Variants in CAVIN1 observed in about 807,000 individuals in gnomAD.
The protein encoded by CAVIN1 is caveolae-associated protein 1.
A neutral mutation model predicts 24.0 loss-of-function variants in CAVIN1; 16 were observed. That is an observed-to-expected ratio of 0.67 (90% CI 0.45 to 1.01). CAVIN1 has a LOEUF of 1.01. CAVIN1 is among the 50% of genes least tolerant of loss of function. CAVIN1 has a pLI of 0.00. For synonymous variants in CAVIN1, 256 were observed against 256.4 expected (o/e 1.00, Z 0.02); for missense variants, 510 against 551.7 (o/e 0.92, Z 0.76).
At chr17:42,414,582 C>T (rs1350247938) in intron 1 of CAVIN1, among the ~76,000 whole-genome samples, 1 of 152,092 alleles carries the variant, frequency 6.6e-6, no homozygotes, top group Non-Finnish European at 1.5e-5. Flanking sequence ...GTCCTGGGAC[C>T]TCTGGACCTC....
Position 42,422,985 on chromosome 17 carries a change from GC to G in CAVIN1, c.112del (p.Ala38ProfsTer6). The G allele has an allele frequency of 3.1e-6, 5 of 1,613,542 alleles. No individual in the cohort carries two copies. The highest frequency in any genetic ancestry group is 4.2e-6 in the Non-Finnish European group (5 of 1,179,920). Reference sequence around the variant, plus strand: ...CGACTTGATCAGCTCTTCTGAGCCGGCCCCCGACGGCTCCTCCGCTGCCTGA... The same window carrying G: ...CGACTTGATCAGCTCTTCTGAGCCGGCCCCGACGGCTCCTCCGCTGCCTGA... Reference protein sequence around the residue: ...GAQAAEEPSGAGSEELIKSDQ... With the variant: ...GAQAAEEPSGXGSEELIKSDQ... On this transcript the variant is annotated frameshift_variant, in exon 1 of 2. Transcript: ENST00000357037. LOFTEE classifies it high-confidence loss of function.
rs752788979 is a variant in CAVIN1 at position 42,405,252 on chromosome 17, G to A, written c.608C>T (p.Ser203Leu). The A allele has an allele frequency of 1.2e-6, 2 of 1,613,412 alleles. No individual in the cohort carries two copies. The highest frequency in any genetic ancestry group is 2.2e-5 in the South Asian group (2 of 91,076). Residue 203 changes from serine to leucine, a missense_variant, in exon 2 of 2, where the codon TCG becomes TTG. Ser to Leu is a moderately radical substitution (Grantham distance 145). Coordinates refer to ENST00000357037, the MANE Select transcript of CAVIN1 (RefSeq NM_012232.6). ...EEDAAALELS[S>L]DEAVEVEEVI... is the part of the protein sequence containing the mutation. The stretch of plus-strand genomic sequence containing the variant: ...CTCCTCAACCTCCACCGCCTCGTCC[G>A]ACGAAAGCTCCAGCGCCGCTGCGTC...
In CAVIN1 at chr17:42,405,254, C is replaced by A. The variant is rs1311933935; in HGVS notation, c.606G>T (p.Ser202=). 1 of 1,613,646 alleles carries A rather than the reference C, an allele frequency of 6.2e-7. No homozygotes were observed. Residue 202 remains serine (S), a synonymous_variant, in exon 2 of 2, where the codon TCG becomes TCT. Coordinates refer to ENST00000357037, the MANE Select transcript of CAVIN1 (RefSeq NM_012232.6). The part of the protein sequence containing the change: ...PEEDAAALEL[S]SDEAVEVEEV... ...CCTCAACCTCCACCGCCTCGTCCGA[C>A]GAAAGCTCCAGCGCCGCTGCGTCCT...
chr17:42,411,335 T>C (rs1043336364), intron 1 of CAVIN1: 19 of 606,792 alleles, frequency 3.1e-5, no homozygotes, highest in Non-Finnish European at 3.1e-5. Flanking sequence ...GGAGGATCAC[T>C]TGAGCCCCAG....
At chr17:42,411,753 G>T in intron 1 of CAVIN1, 4 of 985,404 alleles carry the variant, frequency 4.1e-6, no homozygotes, top group Non-Finnish European at 4.8e-6. Flanking sequence ...GAAGCCATGC[G>T]CCTTCATGCT....
intron 1 of CAVIN1, among the ~76,000 whole-genome samples, chr17:42,413,528 T>C (rs889857511): frequency 3.1e-5 from 4 of 127,026 alleles, no homozygotes; most frequent in African/African-American, 6.1e-5. Context: ...CACTTCACTC[T>C]AGCCTGGGCG....
Position 42,405,083 on chromosome 17 carries a change from G to C in CAVIN1, c.777C>G (p.Thr259=). The C allele has an allele frequency of 1.2e-6, 2 of 1,614,106 alleles. No individual in the cohort carries two copies. The highest frequency in any genetic ancestry group is 1.7e-6 in the Non-Finnish European group (2 of 1,180,006). ...RENLEKTRLK[T]KENLEKTRHT... is the part of the protein sequence containing the mutation. The stretch of plus-strand genomic sequence containing the variant: ...GCCGCGTCTTCTCCAGGTTTTCCTT[G>C]GTCTTGAGGCGCGTCTTCTCCAGGT... The change falls in exon 2 of 2, where the codon ACC becomes ACG. Residue 259 remains threonine (T), a synonymous_variant. Transcript: ENST00000357037.
intron 1 of CAVIN1, among the ~76,000 whole-genome samples, chr17:42,413,552 C>G (rs1598575918): frequency 9.9e-6 from 1 of 100,902 alleles, no homozygotes; most frequent in East Asian, 3.6e-4. Flanking sequence ...GAGCAAAAGT[C>G]TGTCTCAAAA....
chr17:42,418,262 G>A (rs946602197), intron 1 of CAVIN1, among the ~76,000 whole-genome samples: 5 of 130,418 alleles, frequency 3.8e-5, no homozygotes, highest in South Asian at 4.7e-4. Context: ...ACCAAGTTTC[G>A]CTCTTGTTGC....
chr17:42,405,041 G>A lies in CAVIN1; in HGVS notation c.819C>T (p.Arg273=), dbSNP rs935162795. Residue 273 remains arginine (R), a synonymous_variant, in exon 2 of 2, where the codon CGC becomes CGT. Coordinates refer to ENST00000357037, the MANE Select transcript of CAVIN1 (RefSeq NM_012232.6). ...LEKTRHTLEK[R]MNKLGTRLVP... is the part of the protein sequence containing the mutation. ...CCAGGCGCGTGCCCAGCTTGTTCATGCGCTTCTCCAGGGTGTGCCGCGTCT... is the reference window on the plus strand; with the variant it reads ...CCAGGCGCGTGCCCAGCTTGTTCATACGCTTCTCCAGGGTGTGCCGCGTCT... 4 of 1,614,168 alleles carry A rather than the reference G, an allele frequency of 2.5e-6. No homozygotes were observed. The highest frequency in any genetic ancestry group is 2.5e-6 in the Non-Finnish European group (3 of 1,180,016).
At chr17:42,406,523 C>T (rs1337005665) in intron 1 of CAVIN1, among the ~76,000 whole-genome samples, 1 of 152,072 alleles carries the variant, frequency 6.6e-6, no homozygotes, top group South Asian at 2.1e-4. Flanking sequence ...TGCAGGCATG[C>T]GCCACCACAC....
At position 42,422,659 on chromosome 17, in the gene CAVIN1, G is replaced by T. The variant is rs2145490061; in HGVS notation, c.439C>A (p.Arg147=). 1 of 1,597,500 alleles carries T rather than the reference G, an allele frequency of 6.3e-7. No homozygotes were observed. Residue 147 remains arginine, a synonymous_variant, in exon 1 of 2, where the codon CGG becomes AGG. Transcript: ENST00000357037. The part of the protein sequence containing the change: ...KLEVNEAELL[R]RRNFKVMIYQ... ...ATCATGACTTTAAAGTTGCGGCGCCGCAGCAGCTCGGCCTCGTTGACCTCC... is the reference window on the plus strand; with the variant it reads ...ATCATGACTTTAAAGTTGCGGCGCCTCAGCAGCTCGGCCTCGTTGACCTCC...
intron 1 of CAVIN1, chr17:42,411,956 G>A (rs2085481417): frequency 6.1e-6 from 6 of 985,168 alleles, no homozygotes; most frequent in African/African-American, 1.7e-5. Flanking sequence ...GGGGATGGTG[G>A]CCCTCCTGGC....
In CAVIN1 at chr17:42,422,754, C is replaced by T; in HGVS notation, c.344G>A (p.Arg115His). 1 of 1,612,538 alleles carries T rather than the reference C, an allele frequency of 6.2e-7. No individual in the cohort carries two copies. Among genetic ancestry groups the T allele is most frequent in the Non-Finnish European group, 8.5e-7 (1 of 1,179,434 alleles). ...NTVSKLLEKVRKVSVNVKTVR... is the reference protein window; with the variant it reads ...NTVSKLLEKVHKVSVNVKTVR... Reference sequence around the variant, plus strand: ...GGTCTTCACGTTGACGCTGACCTTGCGCACCTTCTCCAGCAGCTTGCTCAC... The same window carrying T: ...GGTCTTCACGTTGACGCTGACCTTGTGCACCTTCTCCAGCAGCTTGCTCAC... Residue 115 changes from arginine to histidine, a missense_variant, in exon 1 of 2, where the codon CGC becomes CAC. Transcript: ENST00000357037.
chr17:42,422,786 G>A lies in CAVIN1; in HGVS notation c.312C>T (p.Ser104=). 6.2e-7 allele frequency: 1 copy of A among 1,613,682 alleles called. No homozygotes were observed. The highest frequency in any genetic ancestry group is 8.5e-7 in the Non-Finnish European group (1 of 1,179,862). ...TCTCCAGCAGCTTGCTCACCGTATT[G>A]CTCGTGGTGGCGTGCGCCTTGCCCA... The part of the protein sequence containing the change: ...SKLGKAHATT[S]NTVSKLLEKV... Residue 104 remains serine (S), a synonymous_variant, in exon 1 of 2, where the codon AGC becomes AGT. Transcript: ENST00000357037.
intron 1 of CAVIN1, among the ~76,000 whole-genome samples, chr17:42,417,906 T>C (rs531892733): frequency 4.3e-4 from 65 of 152,228 alleles, no homozygotes; most frequent in African/African-American, 1.5e-3. Flanking sequence ...GTGATCTACC[T>C]GCCTCGGCCT....
intron 1 of CAVIN1, among the ~76,000 whole-genome samples, chr17:42,414,309 C>T (rs2085499070): frequency 6.6e-6 from 1 of 152,134 alleles, no homozygotes; most frequent in Non-Finnish European, 1.5e-5. Flanking sequence ...CCTTTGGCCA[C>T]GTCCCCACCT....
Position 42,420,781 on chromosome 17 carries a change from C to T in CAVIN1, c.471+1846G>A, listed in dbSNP as rs568762160. Among the ~76,000 whole-genome samples the T allele has an allele frequency of 8.5e-5, 13 of 152,232 alleles. No homozygotes were observed. The East Asian group carries it at 2.5e-3, about 29-fold the overall frequency. On this transcript the variant is annotated intron_variant, in intron 1 of 1. Coordinates refer to ENST00000357037, the MANE Select transcript of CAVIN1 (RefSeq NM_012232.6). ...CCATCTTTGGCATAGGGAAGTTTACCTCCAGGCCAAGACTTTTCCCAGGTT... is the reference window on the plus strand; with the variant it reads ...CCATCTTTGGCATAGGGAAGTTTACTTCCAGGCCAAGACTTTTCCCAGGTT...
At chr17:42,406,758 AC>A (rs2085449026) in intron 1 of CAVIN1, among the ~76,000 whole-genome samples, 1 of 148,414 alleles carries the variant, frequency 6.7e-6, no homozygotes, top group South Asian at 2.2e-4. Context: ...ACTCCTTCAT[AC>A]TGTTTGGCTC....
Sources: allele counts gnomAD v4.1 joint callset (sites outside exome capture counted in the v4.1 genomes callset), GRCh38; gene constraint gnomAD v4.1.1; transcripts MANE v1.5; gene names NCBI Gene and HGNC (gene_info 2026-07-23, HGNC 2026-07-21).